ITGAM: variants seen among roughly 807,000 people sequenced by gnomAD.
The protein encoded by ITGAM is integrin alpha-M.
ITGAM carries 79 observed loss-of-function variants against 137.5 expected under a neutral mutation model. The observed-to-expected ratio is 0.57, with a 90% CI of 0.48 to 0.69. The LOEUF (loss-of-function observed/expected upper bound fraction) is 0.69. Ranked by LOEUF, ITGAM falls within the 30% of genes least tolerant of loss-of-function variation. The probability of loss-of-function intolerance (pLI) is 0.00; values close to 1 mark genes in which losing one functional copy is unlikely to be tolerated. For synonymous variants in ITGAM, 583 were observed against 592.3 expected, an observed-to-expected ratio of 0.98 and a Z score of 0.23; for missense variants, 1,343 against 1,483.5, an observed-to-expected ratio of 0.91 and a Z score of 1.56.
At chr16:31,316,411 A>G (rs2080393180) in intron 14 of ITGAM, among the ~76,000 whole-genome samples, 1 of 151,754 alleles carries the variant, frequency 6.6e-6, no homozygotes. Context: ...AGAAAAGAAA[A>G]TTAGTTGATT....
chr16:31,329,076 C>G lies in ITGAM; in HGVS notation c.2793-152C>G. On this transcript the variant is annotated intron_variant, in intron 23 of 29. Coordinates refer to ENST00000544665, the MANE Select transcript of ITGAM (RefSeq NM_000632.4). ...TGTGTGTCCAGCACACATTGGTTCCCCCATCCCCCTGCACCCCACCCCATC... is the reference window on the plus strand; with the variant it reads ...TGTGTGTCCAGCACACATTGGTTCCGCCATCCCCCTGCACCCCACCCCATC... 4.5e-6 allele frequency: 2 copies of G among 442,008 alleles called. 1 individual carries two copies. The highest frequency in any genetic ancestry group is 8.6e-6 in the Non-Finnish European group (2 of 232,568). 27.4% of individuals were successfully genotyped at this position (442,008 alleles called of 1,614,324 possible).
chr16:31,276,429 T>C (rs906979339), intron 9 of ITGAM, among the ~76,000 whole-genome samples: 2 of 152,240 alleles, frequency 1.3e-5, no homozygotes, highest in African/African-American at 4.8e-5. Context: ...CCTCCCAGGT[T>C]CAAGTGATTC....
intron 23 of ITGAM, chr16:31,328,993 T>C: frequency 1.7e-6 from 1 of 600,908 alleles, no homozygotes; most frequent in Non-Finnish European, 3.0e-6. Context: ...CATGTGTGTA[T>C]GTGCTCATGG....
At position 31,321,339 on chromosome 16, in the gene ITGAM, T is replaced by C; in HGVS notation, c.1806T>C (p.Thr602=). The change falls in exon 15 of 30, where the codon ACT becomes ACC. Residue 602 remains threonine, a synonymous_variant. Coordinates refer to ENST00000544665, the MANE Select transcript of ITGAM (RefSeq NM_000632.4). ...CAATGGATGGACTGGTAGACCTGACTGTAGGAGCCCAGGGGCACGTGCTGC... is the reference window on the plus strand; with the variant it reads ...CAATGGATGGACTGGTAGACCTGACCGTAGGAGCCCAGGGGCACGTGCTGC... ...DLTMDGLVDL[T]VGAQGHVLLL... 4.3e-6 allele frequency: 7 copies of C among 1,614,024 alleles called. No individual in the cohort carries two copies. Among genetic ancestry groups the C allele is most frequent in the South Asian group, 1.1e-5 (1 of 91,082 alleles).
chr16:31,305,389 AT>A (rs1169000880), intron 14 of ITGAM, among the ~76,000 whole-genome samples: 31 of 152,286 alleles, frequency 2.0e-4, no homozygotes, highest in African/African-American at 7.5e-4. Context: ...GTAAATGATC[AT>A]ATCATTGGCA....
At chr16:31,326,786 C>A in intron 21 of ITGAM, 70 bp from the exon 22 acceptor site, 1 of 1,025,470 alleles carries the variant, frequency 9.8e-7, no homozygotes, top group South Asian at 1.3e-5. Context: ...CTCCATTAAT[C>A]AGATGACGGG....
At chr16:31,265,277 T>C (rs2079751493) in intron 2 of ITGAM, 118 bp from the exon 3 acceptor site, 4 of 504,618 alleles carry the variant, frequency 7.9e-6, no homozygotes, top group African/African-American at 4.0e-5. Flanking sequence ...CTCCTAGTCA[T>C]AGGAATTTAG....
In ITGAM at chr16:31,292,968, T is replaced by G. The variant is rs58114676; in HGVS notation, c.1357-4546T>G. ...AATAGCCATTCTAACTGGTGTGAGA[T>G]GGTATCTCATTGTGGTTTTGATTTA... On this transcript the variant is annotated intron_variant, in intron 12 of 29. Coordinates refer to ENST00000544665, the MANE Select transcript of ITGAM (RefSeq NM_000632.4). Among the ~76,000 whole-genome samples the G allele has an allele frequency of 5.9e-3, 906 of 152,328 alleles. 10 individuals carry two copies. Among genetic ancestry groups the G allele is most frequent in the African/African-American group, 0.021 (867 of 41,580 alleles).
intron 16 of ITGAM, 108 bp downstream of exon 16, chr16:31,321,735 G>A (rs1175572854): frequency 8.5e-6 from 10 of 1,172,170 alleles, no homozygotes; most frequent in Non-Finnish European, 1.2e-5. Context: ...AGTTCTCACA[G>A]GCTCTGACAA....
chr16:31,268,273 T>G (rs964184503), intron 5 of ITGAM, among the ~76,000 whole-genome samples: 1 of 152,186 alleles, frequency 6.6e-6, no homozygotes, highest in African/African-American at 2.4e-5. Context: ...CAGCTAACAC[T>G]TCTACCTCTC....
chr16:31,321,824 G>A (rs1036429072), intron 16 of ITGAM, among the ~76,000 whole-genome samples, 197 bp downstream of exon 16: 4 of 152,204 alleles, frequency 2.6e-5, no homozygotes, highest in African/African-American at 4.8e-5. Context: ...CTAAAGAGGT[G>A]AGCATGTGGC....
chr16:31,331,931 A>ATGTGTGAGTGTGTGCAAG lies in ITGAM; in HGVS notation c.*226_*243dup. The ATGTGTGAGTGTGTGCAAG allele has an allele frequency of 5.4e-6, 3 of 557,116 alleles. No homozygotes were observed. The South Asian group carries it at 6.6e-5, about 12-fold the overall frequency. 34.5% of individuals were successfully genotyped at this position (557,116 alleles called of 1,614,324 possible). ...TGCGTGCATGTGCACTTGCACGCCC[A>ATGTGTGAGTGTGTGCAAG]TGTGTGAGTGTGTGCAAGTATGTGA... On this transcript the variant is annotated 3_prime_UTR_variant, in exon 30 of 30. Coordinates refer to ENST00000544665, the MANE Select transcript of ITGAM (RefSeq NM_000632.4).
In ITGAM at chr16:31,297,964, G is replaced by C; in HGVS notation, c.1707+10G>C. 6.2e-7 allele frequency: 1 copy of C among 1,607,096 alleles called. No individual in the cohort carries two copies. Among genetic ancestry groups the C allele is most frequent in the Non-Finnish European group, 8.5e-7 (1 of 1,173,866 alleles). ...CCCCTCCCATAGCCAGGTGAGACCT[G>C]GTCACTGTCCTTGTCATGACAGTAG... On this transcript the variant is annotated intron_variant, in intron 14 of 29. Coordinates refer to ENST00000544665, the MANE Select transcript of ITGAM (RefSeq NM_000632.4).
Position 31,325,132 on chromosome 16 carries a change from A to T in ITGAM, c.2363+101A>T, listed in dbSNP as rs1032659994. The T allele has an allele frequency of 2.0e-6, 3 of 1,465,146 alleles. No individual in the cohort carries two copies. The East Asian group carries it at 7.0e-5, about 34-fold the overall frequency. The allele number at this position is 1,465,146 out of a possible 1,614,324, so 90.8% of individuals were successfully genotyped here. On this transcript the variant is annotated intron_variant, in intron 19 of 29. Coordinates refer to ENST00000544665, the MANE Select transcript of ITGAM (RefSeq NM_000632.4). ...CAAGGGAGCCGGGTGTTCCTGGGCT[A>T]TAAGGTCCGGTGTGGCTGCCCCTCC...
chr16:31,321,127 T>G, intron 14 of ITGAM, 114 bp from the exon 15 acceptor site: 1 of 1,188,568 alleles, frequency 8.4e-7, no homozygotes, highest in Non-Finnish European at 1.2e-6. Flanking sequence ...TTGCAAGAGA[T>G]GAGACTTGAG....
At chr16:31,322,056 T>C (rs1461606724) in intron 16 of ITGAM, among the ~76,000 whole-genome samples, 2 of 152,190 alleles carry the variant, frequency 1.3e-5, no homozygotes, top group Non-Finnish European at 2.9e-5. Context: ...GGTGGGAGAA[T>C]AGTAATGACA....
intron 21 of ITGAM, 64 bp from the exon 22 acceptor site, chr16:31,326,792 A>T: frequency 9.4e-7 from 1 of 1,067,410 alleles, no homozygotes; most frequent in Non-Finnish European, 1.5e-6. Context: ...TAATCAGATG[A>T]CGGGCATTTG....
At position 31,331,689 on chromosome 16, in the gene ITGAM, G is replaced by T; in HGVS notation, c.3441G>T (p.Pro1147=). 1 of 1,607,154 alleles carries T rather than the reference G, an allele frequency of 6.2e-7. No homozygotes were observed. Among genetic ancestry groups the T allele is most frequent in the Non-Finnish European group, 8.5e-7 (1 of 1,176,970 alleles). Residue 1147 remains proline (P), a synonymous_variant, in exon 30 of 30, where the codon CCG becomes CCT. Coordinates refer to ENST00000544665, the MANE Select transcript of ITGAM (RefSeq NM_000632.4). ...YKDMMSEGGP[P]GAEPQ is the part of the protein sequence containing the mutation. The stretch of plus-strand genomic sequence containing the variant: ...ACATGATGAGTGAAGGGGGTCCCCC[G>T]GGGGCCGAACCCCAGTAGCGGCTCC...
chr16:31,320,723 G>A (rs188393818), intron 14 of ITGAM, among the ~76,000 whole-genome samples: 155 of 152,250 alleles, frequency 1.0e-3, no homozygotes, highest in Non-Finnish European at 1.7e-3. Context: ...CCACATAGTA[G>A]CACTCTTTTA....
Sources: allele counts gnomAD v4.1 joint callset (sites outside exome capture counted in the v4.1 genomes callset), GRCh38; gene constraint gnomAD v4.1.1; transcripts MANE v1.5; gene names NCBI Gene and HGNC (gene_info 2026-07-23, HGNC 2026-07-21).